Variants in ARFGEF1 observed in about 807,000 individuals in gnomAD.
ARFGEF1 encodes brefeldin A-inhibited guanine nucleotide-exchange protein 1.
In ARFGEF1, 42 loss-of-function variants were observed where a neutral mutation model predicts 231.0. That is an observed-to-expected ratio of 0.18 (90% confidence interval 0.14 to 0.24). The LOEUF (loss-of-function observed/expected upper bound fraction) is 0.24. Ranked by LOEUF, ARFGEF1 falls within the 10% of genes least tolerant of loss-of-function variation. ARFGEF1 has a pLI of 1.00. For missense variants in ARFGEF1, 1,345 were observed against 2,192.0 expected (o/e 0.61, Z 7.72); for synonymous variants, 710 against 732.3 (o/e 0.97, Z 0.49).
At chr8:67,279,576 A>C (rs1310492939) in intron 7 of ARFGEF1, among the ~76,000 whole-genome samples, 1 of 152,182 alleles carries the variant, frequency 6.6e-6, no homozygotes, top group Non-Finnish European at 1.5e-5. Flanking sequence ...ATGAATACTC[A>C]ATATTATTTG....
chr8:67,335,590 T>G (rs557971143), intron 1 of ARFGEF1, among the ~76,000 whole-genome samples: 1 of 152,340 alleles, frequency 6.6e-6, no homozygotes, highest in East Asian at 1.9e-4. Context: ...TGACTGCTTA[T>G]ATTTTTATTA....
chr8:67,311,110 T>TG (rs1302646083), intron 1 of ARFGEF1, among the ~76,000 whole-genome samples: 8 of 137,846 alleles, frequency 5.8e-5, no homozygotes, highest in African/African-American at 1.9e-4. Context: ...GGGAGGGAGG[T>TG]GGGGGGGTCA....
chr8:67,258,852 C>CACA (rs1032627993), intron 15 of ARFGEF1, among the ~76,000 whole-genome samples: 1 of 151,756 alleles, frequency 6.6e-6, no homozygotes, highest in African/African-American at 2.4e-5. Flanking sequence ...CACACACACA[C>CACA]ACCAGTCATC....
At chr8:67,189,688 G>C (rs1835666207) in intron 5 of ARFGEF1, among the ~76,000 whole-genome samples, 1 of 152,146 alleles carries the variant, frequency 6.6e-6, no homozygotes, top group African/African-American at 2.4e-5. Context: ...GATAAACACT[G>C]AAATATTGAG....
At chr8:67,229,160 C>T (rs557980554) in intron 23 of ARFGEF1, among the ~76,000 whole-genome samples, 2 of 152,152 alleles carry the variant, frequency 1.3e-5, no homozygotes, top group East Asian at 3.9e-4. Context: ...GAAGCATGTA[C>T]TATTAAATCC....
intron 1 of ARFGEF1, among the ~76,000 whole-genome samples, chr8:67,313,402 T>C (rs962693120): frequency 3.9e-5 from 6 of 152,206 alleles, no homozygotes; most frequent in Admixed American, 3.3e-4. Flanking sequence ...TTCCTTCTCA[T>C]TTGGGTAGCC....
intron 33 of ARFGEF1, among the ~76,000 whole-genome samples, chr8:67,215,392 T>C (rs1838891459): frequency 6.6e-6 from 1 of 152,132 alleles, no homozygotes. Context: ...GGCATGAATA[T>C]TGTCCCCTAA....
Position 67,216,620 on chromosome 8 carries a change from T to G in ARFGEF1, c.4656A>C (p.Pro1552=). Residue 1552 remains proline, a synonymous_variant, in exon 33 of 39, where the codon CCA becomes CCC. Transcript: ENST00000262215. The stretch of plus-strand genomic sequence containing the variant: ...GCTTTTCACTTACAGGAGATGGAGG[T>G]GGGGGGGCAGTTTCTCCAGAATTGG... ...WRPNSGETAP[P]PPSPVSEKPL... is the part of the protein sequence containing the mutation. The G allele has an allele frequency of 3.1e-6, 5 of 1,605,922 alleles. No individual in the cohort carries two copies. Among genetic ancestry groups the G allele is most frequent in the Non-Finnish European group, 4.2e-6 (5 of 1,177,810 alleles).
intron 5 of ARFGEF1, among the ~76,000 whole-genome samples, chr8:67,294,154 G>T (rs888275036): frequency 6.6e-6 from 1 of 152,064 alleles, no homozygotes; most frequent in Non-Finnish European, 1.5e-5. Flanking sequence ...ATGTAGAGAT[G>T]ATTTAAAGTA....
chr8:67,332,154 G>A (rs1808129260), intron 1 of ARFGEF1, among the ~76,000 whole-genome samples: 1 of 152,084 alleles, frequency 6.6e-6, no homozygotes, highest in African/African-American at 2.4e-5. Flanking sequence ...AGAAAATCAT[G>A]ACAATTACAC....
At chr8:67,270,335 C>G (rs1805025640) in intron 10 of ARFGEF1, among the ~76,000 whole-genome samples, 1 of 152,120 alleles carries the variant, frequency 6.6e-6, no homozygotes, top group South Asian at 2.1e-4. Flanking sequence ...CTGTTTCATT[C>G]TCATAACAAT....
rs117056360 is a variant in ARFGEF1 at position 67,232,580 on chromosome 8, T to C, written c.3380+275A>G. ...AGTTTTCTACGAGAAAATAAAACAT[T>C]TGTATTCTTTTCCATCGAGGTTACC... is the stretch of plus-strand genomic sequence containing the variant. On this transcript the variant is annotated intron_variant, in intron 23 of 38. Transcript: ENST00000262215. Among the ~76,000 whole-genome samples the C allele has an allele frequency of 1.8e-3, 273 of 152,092 alleles. 2 individuals carry two copies. Among genetic ancestry groups the C allele is most frequent in the Non-Finnish European group, 3.2e-3 (220 of 67,878 alleles).
chr8:67,190,139 T>C (rs769542982), intron 5 of ARFGEF1, among the ~76,000 whole-genome samples: 3 of 152,230 alleles, frequency 2.0e-5, no homozygotes, highest in Non-Finnish European at 4.4e-5. Context: ...TGAATGTTCA[T>C]AGCAGTGTTA....
intron 8 of ARFGEF1, 121 bp from the exon 9 acceptor site, chr8:67,276,230 G>T: frequency 9.3e-7 from 1 of 1,072,588 alleles, no homozygotes; most frequent in Non-Finnish European, 1.3e-6. Flanking sequence ...TGTTGGAAGG[G>T]GAACCAGATG....
At chr8:67,316,613 C>T (rs1807329276) in intron 1 of ARFGEF1, among the ~76,000 whole-genome samples, 1 of 152,068 alleles carries the variant, frequency 6.6e-6, no homozygotes, top group African/African-American at 2.4e-5. Flanking sequence ...GTATGTGCCA[C>T]CATACCCAGC....
At chr8:67,233,852 A>G (rs1437763593) in intron 22 of ARFGEF1, among the ~76,000 whole-genome samples, 1 of 152,050 alleles carries the variant, frequency 6.6e-6, no homozygotes, top group Non-Finnish European at 1.5e-5. Flanking sequence ...CTTACCTACC[A>G]AGACTCAATT....
intron 1 of ARFGEF1, among the ~76,000 whole-genome samples, chr8:67,335,568 A>G (rs930759802): frequency 2.6e-5 from 4 of 152,208 alleles, no homozygotes; most frequent in Non-Finnish European, 5.9e-5. Context: ...TTGGCCTTCA[A>G]AATATGTACT....
At position 67,247,029 on chromosome 8, in the gene ARFGEF1, A is replaced by G. The variant is rs187712046; in HGVS notation, c.2850+4270T>C. Among the ~76,000 whole-genome samples, 173 of 150,410 alleles carry G rather than the reference A, an allele frequency of 1.2e-3. 15 individuals are homozygous for G. Among genetic ancestry groups the G allele is most frequent in the Admixed American group, 8.8e-3 (132 of 15,040 alleles). ...ATAAATTCCTAGACACATAGAATCT[A>G]TGAAGATTGAACCAAGAAGAAATTC... On this transcript the variant is annotated intron_variant, in intron 19 of 38. Transcript: ENST00000262215.
chr8:67,257,658 A>G (rs1232190292), intron 17 of ARFGEF1, 74 bp downstream of exon 17: 8 of 1,191,820 alleles, frequency 6.7e-6, no homozygotes, highest in Non-Finnish European at 9.7e-6. Flanking sequence ...AATTTCAACT[A>G]TTACTTACTG....
Sources: gnomAD v4.1 joint callset for allele counts (sites outside exome capture counted in the v4.1 genomes callset) on GRCh38, gnomAD v4.1.1 for gene constraint, MANE v1.5 for transcripts, NCBI Gene and HGNC (gene_info 2026-07-23, HGNC 2026-07-21) for gene names.